Variants in FZD6 observed in about 807,000 individuals in gnomAD.
FZD6 encodes the protein frizzled-6.
Under a neutral mutation model 61.4 loss-of-function variants are expected in FZD6, and 49 were observed. The observed-to-expected ratio is 0.80, with a 90% confidence interval of 0.63 to 1.01. FZD6 has a LOEUF of 1.01. Among genes scored for constraint, FZD6 ranks in the 50% least tolerant of loss-of-function variants. The probability of loss-of-function intolerance (pLI) is 0.00; values close to 1 mark genes in which losing one functional copy is unlikely to be tolerated. For missense variants in FZD6, 724 were observed against 848.2 expected, an observed-to-expected ratio of 0.85 and a Z score of 1.82; for synonymous variants, 265 against 292.2, an observed-to-expected ratio of 0.91 and a Z score of 0.95.
chr8:103,322,583 C>T (rs1370711411), intron 3 of FZD6, among the ~76,000 whole-genome samples: 1 of 152,036 alleles, frequency 6.6e-6, no homozygotes, highest in Non-Finnish European at 1.5e-5. Context: ...CCACATTAGT[C>T]TTGATTAATT....
intron 4 of FZD6, among the ~76,000 whole-genome samples, chr8:103,327,497 G>A (rs827548): frequency 0.95 from 143,907 of 152,128 alleles, 68,139 homozygotes; most frequent in East Asian, 1. Flanking sequence ...TTGGGAGGCT[G>A]AGGCGGGAGA....
intron 2 of FZD6, among the ~76,000 whole-genome samples, chr8:103,300,780 CACTAAAAAGTG>C (rs953983764): frequency 2.0e-5 from 3 of 152,052 alleles, no homozygotes; most frequent in African/African-American, 7.2e-5. Flanking sequence ...ATCACAAAGT[CACTAAAAAGTG>C]ACTTTGTTTT....
At chr8:103,303,680 T>G (rs1814238785) in intron 2 of FZD6, among the ~76,000 whole-genome samples, 1 of 152,246 alleles carries the variant, frequency 6.6e-6, no homozygotes. Flanking sequence ...TCATCTACAG[T>G]GTCCAAGTCA....
intron 2 of FZD6, among the ~76,000 whole-genome samples, 180 bp downstream of exon 2, chr8:103,300,464 G>A (rs1301218020): frequency 2.0e-5 from 3 of 152,054 alleles, no homozygotes; most frequent in African/African-American, 7.3e-5. Flanking sequence ...GTACCTTTGC[G>A]GCCCTGTTTA....
At chr8:103,311,575 G>A (rs1245196558) in intron 2 of FZD6, among the ~76,000 whole-genome samples, 2 of 151,746 alleles carry the variant, frequency 1.3e-5, no homozygotes, top group African/African-American at 4.8e-5. Flanking sequence ...CTCTACTTGG[G>A]AGGCTGAGGC....
Position 103,331,670 on chromosome 8 carries a change from T to C in FZD6, c.*161T>C, listed in dbSNP as rs773807060. On this transcript the variant is annotated 3_prime_UTR_variant, in exon 7 of 7. Coordinates refer to ENST00000358755, the MANE Select transcript of FZD6 (RefSeq NM_003506.4). ...TAGAGTTCAAGAATAATATGACTCA[T>C]TTCACACAAAGGTTAATGACAACAA... 1.8e-4 allele frequency: 118 copies of C among 649,750 alleles called. No individual in the cohort carries two copies. Among genetic ancestry groups the C allele is most frequent in the Admixed American group, 3.3e-4 (15 of 45,034 alleles). 40.2% of individuals were successfully genotyped at this position (649,750 alleles called of 1,614,324 possible).
At chr8:103,315,728 G>A (rs1416343663) in intron 2 of FZD6, among the ~76,000 whole-genome samples, 2 of 152,124 alleles carry the variant, frequency 1.3e-5, no homozygotes, top group Non-Finnish European at 2.9e-5. Flanking sequence ...TTATCAAATT[G>A]TACACTTTAT....
chr8:103,311,410 A>G (rs2130290830), intron 2 of FZD6, among the ~76,000 whole-genome samples: 1 of 152,236 alleles, frequency 6.6e-6, no homozygotes, highest in Admixed American at 6.5e-5. Flanking sequence ...GGATTCCCCC[A>G]AATAGTAAAT....
chr8:103,322,833 C>T (rs1266522983), intron 3 of FZD6, among the ~76,000 whole-genome samples: 1 of 152,136 alleles, frequency 6.6e-6, no homozygotes, highest in African/African-American at 2.4e-5. Flanking sequence ...AGGAAATCCC[C>T]TCCCATAGAA....
chr8:103,328,498 G>A, intron 5 of FZD6, 82 bp downstream of exon 5: 1 of 1,075,282 alleles, frequency 9.3e-7, no homozygotes, highest in Non-Finnish European at 1.4e-6. Flanking sequence ...CAATGTACTA[G>A]AGTTTCATTA....
At chr8:103,328,580 A>T (rs936262500) in intron 5 of FZD6, among the ~76,000 whole-genome samples, 164 bp downstream of exon 5, 9 of 151,980 alleles carry the variant, frequency 5.9e-5, no homozygotes, top group African/African-American at 2.2e-4. Context: ...GACGTGCTTT[A>T]TTTTTGCATT....
rs1351700529 is a variant in FZD6 at position 103,324,770 on chromosome 8, A to G, written c.664A>G (p.Ile222Val). Reference protein sequence around the residue: ...ATLFTFLTFLIDVRRFRYPER... With the variant: ...ATLFTFLTFLVDVRRFRYPER... ...TCTGTTCACATTCCTTACTTTTTTA[A>G]TTGATGTTAGAAGATTCAGATACCC... The change falls in exon 4 of 7, where the codon ATT becomes GTT. Residue 222 changes from isoleucine to valine, a missense_variant. Ile to Val is a conservative substitution (Grantham distance 29). Transcript: ENST00000358755. 2 of 1,613,862 alleles carry G rather than the reference A, an allele frequency of 1.2e-6. No individual in the cohort carries two copies. Among genetic ancestry groups the G allele is most frequent in the Non-Finnish European group, 1.7e-6 (2 of 1,179,790 alleles).
chr8:103,330,089 T>C, intron 6 of FZD6, 24 bp downstream of exon 6: 2 of 1,593,318 alleles, frequency 1.3e-6, no homozygotes, highest in Non-Finnish European at 1.7e-6. Context: ...TTATGTAAAA[T>C]CATCACTATT....
intron 2 of FZD6, among the ~76,000 whole-genome samples, chr8:103,314,626 C>T (rs186030149): frequency 6.4e-4 from 98 of 152,324 alleles, no homozygotes; most frequent in African/African-American, 2.4e-3. Context: ...CTTGCCCCAT[C>T]AGGACAGGGG....
At chr8:103,308,164 G>A (rs1388100692) in intron 2 of FZD6, among the ~76,000 whole-genome samples, 2 of 152,156 alleles carry the variant, frequency 1.3e-5, no homozygotes, top group South Asian at 2.1e-4. Flanking sequence ...GCCTATACTG[G>A]TGCAACTAGA....
chr8:103,329,808 A>T lies in FZD6; in HGVS notation c.1695A>T (p.Thr565=). Reference sequence around the variant, plus strand: ...CCATGGGAACCAGCACAGGAGCTACAGCAAATCATGGCACTTCTGCAGTAG... The same window carrying T: ...CCATGGGAACCAGCACAGGAGCTACTGCAAATCATGGCACTTCTGCAGTAG... ...SKSMGTSTGA[T]ANHGTSAVAI... is the part of the protein sequence containing the mutation. The change falls in exon 6 of 7, where the codon ACA becomes ACT. Residue 565 remains threonine, a synonymous_variant. Coordinates refer to ENST00000358755, the MANE Select transcript of FZD6 (RefSeq NM_003506.4). 6.2e-7 allele frequency: 1 copy of T among 1,614,196 alleles called. No homozygotes were observed. The highest frequency in any genetic ancestry group is 8.5e-7 in the Non-Finnish European group (1 of 1,179,978).
intron 2 of FZD6, chr8:103,307,812 A>G (rs1245820150): frequency 2.2e-6 from 1 of 456,168 alleles, no homozygotes; most frequent in East Asian, 7.0e-5. Context: ...AGCTCATAGA[A>G]TCGCCAGGTG....
intron 3 of FZD6, among the ~76,000 whole-genome samples, chr8:103,319,158 C>T (rs935949167): frequency 3.3e-5 from 5 of 151,940 alleles, no homozygotes; most frequent in South Asian, 2.1e-4. Flanking sequence ...AGCTAAAGTA[C>T]GAAGGGTAAG....
rs1173573170 is a variant in FZD6, at chr8:103,330,029, C to G, written c.1916C>G (p.Ala639Gly). The change falls in exon 6 of 7, where the codon GCA becomes GGA. Residue 639 changes from alanine to glycine, a missense_variant. Physicochemically the swap from Ala to Gly is moderately conservative, Grantham distance 60. Coordinates refer to ENST00000358755, the MANE Select transcript of FZD6 (RefSeq NM_003506.4). ...SGEQVDGKGQ[A>G]GSVSESARSE... ...GAACAGGTCGACGGGAAGGGCCAGG[C>G]AGGCAGTGTATCTGAAAGTGCGCGG... The G allele has an allele frequency of 3.1e-6, 5 of 1,613,966 alleles. No homozygotes were observed. The highest frequency in any genetic ancestry group is 4.2e-6 in the Non-Finnish European group (5 of 1,179,960).
Sources: gnomAD v4.1 joint callset for allele counts (sites outside exome capture counted in the v4.1 genomes callset) on GRCh38, gnomAD v4.1.1 for gene constraint, MANE v1.5 for transcripts, NCBI Gene and HGNC (gene_info 2026-07-23, HGNC 2026-07-21) for gene names.